Variants in CDH18 observed in about 807,000 individuals in gnomAD.
The protein encoded by CDH18 is cadherin-18.
CDH18 carries 31 observed loss-of-function variants against 67.9 expected under a neutral mutation model. That is an observed-to-expected ratio of 0.46 (90% CI 0.34 to 0.62). The LOEUF (loss-of-function observed/expected upper bound fraction) is 0.62. CDH18 is among the 20% of genes least tolerant of loss of function. The pLI is 0.01. For missense variants in CDH18, 890 were observed against 975.5 expected, an observed-to-expected ratio of 0.91 and a Z score of 1.17; for synonymous variants, 362 against 347.2, an observed-to-expected ratio of 1.04 and a Z score of -0.48.
At chr5:20,424,383 T>G (rs1481652906) in intron 1 of CDH18, among the ~76,000 whole-genome samples, 1 of 150,266 alleles carries the variant, frequency 6.7e-6, no homozygotes, top group Non-Finnish European at 1.5e-5. Flanking sequence ...ACAAGGATGT[T>G]TCAGAGCTAC....
intron 2 of CDH18, among the ~76,000 whole-genome samples, chr5:20,079,632 T>C (rs1171125622): frequency 2.0e-5 from 3 of 152,178 alleles, no homozygotes; most frequent in Non-Finnish European, 4.4e-5. Flanking sequence ...AGAAACTTCA[T>C]ACGGTACTAA....
intron 2 of CDH18, among the ~76,000 whole-genome samples, chr5:20,022,097 A>G (rs4552601): frequency 0.16 from 24,753 of 152,118 alleles, 4,300 homozygotes; most frequent in African/African-American, 0.43. Context: ...TTATTATCCT[A>G]ATGTTCTTCC....
At chr5:20,290,457 C>T (rs781672336) in intron 1 of CDH18, among the ~76,000 whole-genome samples, 1 of 152,238 alleles carries the variant, frequency 6.6e-6, no homozygotes, top group Non-Finnish European at 1.5e-5. Flanking sequence ...CTGATGTAGT[C>T]TTGGACCTAG....
At chr5:19,508,790 A>T (rs982585849) in intron 10 of CDH18, among the ~76,000 whole-genome samples, 1 of 151,994 alleles carries the variant, frequency 6.6e-6, no homozygotes, top group Admixed American at 6.6e-5. Context: ...GTCTAATCTA[A>T]TACCATAATG....
chr5:20,412,181 A>G (rs1208385410), intron 1 of CDH18, among the ~76,000 whole-genome samples: 1 of 152,206 alleles, frequency 6.6e-6, no homozygotes, highest in Admixed American at 6.5e-5. Context: ...GTACAACAAT[A>G]GTCACATAGA....
At chr5:19,845,463 C>T (rs1478379097) in intron 2 of CDH18, among the ~76,000 whole-genome samples, 2 of 152,074 alleles carry the variant, frequency 1.3e-5, no homozygotes, top group Non-Finnish European at 2.9e-5. Context: ...TTCATTTCTA[C>T]TAGAGAAGAA....
rs1487718214 is a variant in CDH18, at chr5:19,477,094, T to G, written c.1883-3378A>C. On this transcript the variant is annotated intron_variant, in intron 12 of 12. Transcript: ENST00000382275. ...ATATTATTTGCTAGTATTCAGTGATTCCTAGGCTTGTTACATACTTATTTA... is the reference window on the plus strand; with the variant it reads ...ATATTATTTGCTAGTATTCAGTGATGCCTAGGCTTGTTACATACTTATTTA... Among the ~76,000 whole-genome samples, 7 of 150,020 alleles carry G rather than the reference T, an allele frequency of 4.7e-5. No homozygotes were observed. The South Asian group carries it at 8.4e-4, about 18-fold the overall frequency.
chr5:20,239,780 C>G (rs1438734162), intron 2 of CDH18, among the ~76,000 whole-genome samples: 1 of 151,952 alleles, frequency 6.6e-6, no homozygotes, highest in Non-Finnish European at 1.5e-5. Context: ...GTATCTTTAT[C>G]TTCTATTAAC....
At chr5:20,501,492 TTTATATACATATTTTATATATA>T in intron 1 of CDH18, among the ~76,000 whole-genome samples, 1 of 27,946 alleles carries the variant, frequency 3.6e-5, no homozygotes, top group African/African-American at 9.8e-5. Flanking sequence ...TTATATATAT[TTTATATACATATTTTATATATA>T]TTATATACAT....
intron 9 of CDH18, among the ~76,000 whole-genome samples, chr5:19,521,955 CACT>C (rs1175916451): frequency 6.6e-6 from 1 of 151,810 alleles, no homozygotes; most frequent in Non-Finnish European, 1.5e-5. Flanking sequence ...CAATACTAGA[CACT>C]ACCACTCACG....
intron 8 of CDH18, 137 bp from the exon 9 acceptor site, chr5:19,544,142 T>C: frequency 2.4e-6 from 1 of 409,990 alleles, no homozygotes; most frequent in Non-Finnish European, 4.3e-6. Flanking sequence ...ATGGCAACTT[T>C]ATATTTTTAT....
chr5:19,680,555 A>C, intron 5 of CDH18, among the ~76,000 whole-genome samples: 1 of 152,142 alleles, frequency 6.6e-6, no homozygotes, highest in South Asian at 2.1e-4. Flanking sequence ...AGAATCCATA[A>C]ATAAGTAAGA....
At chr5:19,952,799 T>G (rs532052588) in intron 2 of CDH18, among the ~76,000 whole-genome samples, 1 of 151,350 alleles carries the variant, frequency 6.6e-6, no homozygotes, top group Non-Finnish European at 1.5e-5. Flanking sequence ...ATGAGAGGCA[T>G]TTAGGGGAAA....
intron 2 of CDH18, among the ~76,000 whole-genome samples, chr5:20,151,806 A>G (rs900177768): frequency 2.8e-4 from 43 of 152,036 alleles, no homozygotes; most frequent in African/African-American, 8.9e-4. Flanking sequence ...AGTAATGCCT[A>G]TAAGTCATTG....
At chr5:19,832,615 T>C (rs544325114) in intron 3 of CDH18, among the ~76,000 whole-genome samples, 82 of 152,302 alleles carry the variant, frequency 5.4e-4, no homozygotes, top group Admixed American at 2.5e-3. Flanking sequence ...GCCTATGTCC[T>C]ATATGGTATT....
At chr5:20,202,576 A>C (rs1359085247) in intron 2 of CDH18, among the ~76,000 whole-genome samples, 1 of 152,026 alleles carries the variant, frequency 6.6e-6, no homozygotes, top group Admixed American at 6.6e-5. Flanking sequence ...AGAGGCAAAA[A>C]CTAGAGAAAT....
intron 2 of CDH18, among the ~76,000 whole-genome samples, chr5:20,148,922 G>C (rs756837465): frequency 6.6e-6 from 1 of 151,976 alleles, no homozygotes; most frequent in Non-Finnish European, 1.5e-5. Context: ...GTCCTGGAAG[G>C]GGACATAAGA....
intron 1 of CDH18, among the ~76,000 whole-genome samples, chr5:20,281,834 C>T (rs529078673): frequency 9.9e-4 from 150 of 152,262 alleles, no homozygotes; most frequent in African/African-American, 3.5e-3. Context: ...ATTGATTCTT[C>T]CTACCCATGA....
At position 19,650,599 on chromosome 5, in the gene CDH18, C is replaced by A. The variant is rs138865478; in HGVS notation, c.644-37998G>T. Among the ~76,000 whole-genome samples the A allele has an allele frequency of 7.9e-5, 12 of 152,116 alleles. No individual in the cohort carries two copies. The East Asian group carries it at 2.3e-3, about 29-fold the overall frequency. On this transcript the variant is annotated intron_variant, in intron 5 of 12. Transcript: ENST00000382275. ...CTGTTGGATTTCCACAACAAGCAAG[C>A]GAAGCATATTTTCTCATGCCAATCC...
Sources: allele counts gnomAD v4.1 joint callset (sites outside exome capture counted in the v4.1 genomes callset), GRCh38; gene constraint gnomAD v4.1.1; transcripts MANE v1.5; gene names NCBI Gene and HGNC (gene_info 2026-07-23, HGNC 2026-07-21).